ZNF804A: variants seen among roughly 807,000 people sequenced by gnomAD.
ZNF804A encodes zinc finger protein 804A.
In ZNF804A, 2 loss-of-function variants were observed where a neutral mutation model predicts 16.5. That is an observed-to-expected ratio of 0.12 (90% CI 0.05 to 0.38). The LOEUF (loss-of-function observed/expected upper bound fraction) is 0.38, where lower values mean the gene tolerates loss of function less well. Ranked by LOEUF, ZNF804A falls within the 10% of genes least tolerant of loss-of-function variation. The pLI is 0.99. For synonymous variants in ZNF804A, 534 were observed against 489.6 expected, an observed-to-expected ratio of 1.09 and a Z score of -1.20; for missense variants, 1,473 against 1,390.7, an observed-to-expected ratio of 1.06 and a Z score of -0.94.
At chr2:184,661,689 G>T (rs943563246) in intron 1 of ZNF804A, among the ~76,000 whole-genome samples, 1 of 152,156 alleles carries the variant, frequency 6.6e-6, no homozygotes, top group Non-Finnish European at 1.5e-5. Context: ...TTTGGTCATG[G>T]ACTCTACCGG....
chr2:184,659,246 T>C (rs1692128684), intron 1 of ZNF804A, among the ~76,000 whole-genome samples: 1 of 152,100 alleles, frequency 6.6e-6, no homozygotes, highest in African/African-American at 2.4e-5. Flanking sequence ...TAAGACATGG[T>C]TTGCTGGACT....
At chr2:184,925,470 C>A (rs1370644417) in intron 2 of ZNF804A, among the ~76,000 whole-genome samples, 1 of 151,358 alleles carries the variant, frequency 6.6e-6, no homozygotes, top group South Asian at 2.1e-4. Flanking sequence ...TATTGGATCT[C>A]GGGTTTTTTT....
At chr2:184,620,242 A>G (rs939805552) in intron 1 of ZNF804A, among the ~76,000 whole-genome samples, 11 of 151,956 alleles carry the variant, frequency 7.2e-5, no homozygotes, top group Admixed American at 5.3e-4. Flanking sequence ...ATAATTCTTT[A>G]ACATTCCTTC....
chr2:184,712,693 A>C (rs1693148686), intron 1 of ZNF804A, among the ~76,000 whole-genome samples: 1 of 151,750 alleles, frequency 6.6e-6, no homozygotes, highest in Non-Finnish European at 1.5e-5. Flanking sequence ...TAATTCTCTT[A>C]AACTTTCTTC....
chr2:184,638,611 C>T (rs1265636546), intron 1 of ZNF804A, among the ~76,000 whole-genome samples: 1 of 152,142 alleles, frequency 6.6e-6, no homozygotes, highest in Non-Finnish European at 1.5e-5. Context: ...CATTTGGCTG[C>T]AATGTATAAC....
chr2:184,598,900 G>C lies in ZNF804A; in HGVS notation c.-60G>C, dbSNP rs541564749. On this transcript the variant is annotated 5_prime_UTR_variant, in exon 1 of 4. Transcript: ENST00000302277. ...ACCGTCGCCGGCCCCGGCGCGCTGCGGCTGTGGGCGCGGGGTGCGTGGAAG... is the reference window on the plus strand; with the variant it reads ...ACCGTCGCCGGCCCCGGCGCGCTGCCGCTGTGGGCGCGGGGTGCGTGGAAG... 2 of 1,211,058 alleles carry C rather than the reference G, an allele frequency of 1.7e-6. No homozygotes were observed. Among genetic ancestry groups the C allele is most frequent in the Non-Finnish European group, 2.3e-6 (2 of 878,596 alleles). The allele number at this position is 1,211,058 out of a possible 1,614,324, so 75.0% of individuals were successfully genotyped here. A position where few individuals can be genotyped will look rare whatever the true frequency, so the allele number is the denominator to read the frequency against.
intron 1 of ZNF804A, among the ~76,000 whole-genome samples, chr2:184,624,639 A>G (rs1351813880): frequency 2.6e-5 from 4 of 152,162 alleles, no homozygotes; most frequent in East Asian, 1.9e-4. Flanking sequence ...CATTTGTAGT[A>G]TTCTAAATTC....
intron 1 of ZNF804A, among the ~76,000 whole-genome samples, chr2:184,722,092 G>T (rs1693326854): frequency 6.6e-6 from 1 of 151,814 alleles, no homozygotes; most frequent in South Asian, 2.1e-4. Flanking sequence ...AGAGTGTGTG[G>T]GTGCGCGTGT....
chr2:184,819,449 T>C (rs1483772314), intron 1 of ZNF804A, among the ~76,000 whole-genome samples: 1 of 151,892 alleles, frequency 6.6e-6, no homozygotes, highest in Non-Finnish European at 1.5e-5. Context: ...TAGCACTGAA[T>C]GCCCACATCA....
intron 2 of ZNF804A, among the ~76,000 whole-genome samples, chr2:184,926,696 T>A (rs1197527559): frequency 6.6e-6 from 1 of 152,164 alleles, no homozygotes; most frequent in East Asian, 1.9e-4. Context: ...TATTGTTTTT[T>A]AACCTTTTGC....
intron 2 of ZNF804A, among the ~76,000 whole-genome samples, chr2:184,900,968 G>A (rs1299716881): frequency 6.6e-6 from 1 of 152,126 alleles, no homozygotes; most frequent in Non-Finnish European, 1.5e-5. Flanking sequence ...ACTGGCCAAA[G>A]GATGCTGTTC....
At chr2:184,810,442 C>G (rs1247662959) in intron 1 of ZNF804A, among the ~76,000 whole-genome samples, 1 of 129,222 alleles carries the variant, frequency 7.7e-6, no homozygotes, top group Non-Finnish European at 1.7e-5. Flanking sequence ...TTGATTTTTT[C>G]TTATTATAAT....
intron 1 of ZNF804A, among the ~76,000 whole-genome samples, chr2:184,768,941 T>G (rs1694170457): frequency 6.6e-6 from 1 of 152,094 alleles, no homozygotes; most frequent in Non-Finnish European, 1.5e-5. Flanking sequence ...TTTAACTGTG[T>G]GCATATAACT....
intron 1 of ZNF804A, among the ~76,000 whole-genome samples, chr2:184,663,836 A>T (rs181948292): frequency 4.3e-4 from 66 of 152,344 alleles, no homozygotes; most frequent in Non-Finnish European, 8.1e-4. Context: ...AACGCTTGCT[A>T]TGGGAACCCA....
rs1444199446 is a variant in ZNF804A, at chr2:184,811,257, T to C, written c.112-55112T>C. Among the ~76,000 whole-genome samples the C allele has an allele frequency of 2.6e-5, 4 of 152,200 alleles. No homozygotes were observed. In the East Asian group the frequency reaches 7.7e-4, roughly 29 times the overall value. On this transcript the variant is annotated intron_variant, in intron 1 of 3. Coordinates refer to ENST00000302277, the MANE Select transcript of ZNF804A (RefSeq NM_194250.2). ...AATGACACATAAACACCAGCTGTAG[T>C]GCATACCGATGGCATGCTCTTCATT...
intron 1 of ZNF804A, among the ~76,000 whole-genome samples, chr2:184,849,733 G>GGAATATATCCAAAAGAAAT (rs1695573827): frequency 2.0e-5 from 3 of 151,656 alleles, no homozygotes; most frequent in East Asian, 1.9e-4. Flanking sequence ...CCCAGTGCTA[G>GGAATATATCCAAAAGAAAT]GAAATTAGTA....
At position 184,923,157 on chromosome 2, in the gene ZNF804A, C is replaced by T. The variant is rs568049389; in HGVS notation, c.256-10446C>T. Among the ~76,000 whole-genome samples the T allele has an allele frequency of 2.4e-4, 37 of 152,038 alleles. No individual in the cohort carries two copies. The East Asian group carries it at 5.8e-3, about 24-fold the overall frequency. ...ACTTTGGGTAGTATGTACATTTTAACAATATTGGTTCTTTCAATCCATGAA... is the reference window on the plus strand; with the variant it reads ...ACTTTGGGTAGTATGTACATTTTAATAATATTGGTTCTTTCAATCCATGAA... On this transcript the variant is annotated intron_variant, in intron 2 of 3. Transcript: ENST00000302277.
intron 1 of ZNF804A, among the ~76,000 whole-genome samples, chr2:184,829,439 T>C (rs6434106): frequency 0.065 from 9,879 of 151,930 alleles, 1,096 homozygotes; most frequent in African/African-American, 0.22. Context: ...GAATTGCTAT[T>C]TTTTTATTCT....
intron 2 of ZNF804A, among the ~76,000 whole-genome samples, chr2:184,886,818 G>A (rs1684898385): frequency 6.6e-6 from 1 of 152,224 alleles, no homozygotes; most frequent in African/African-American, 2.4e-5. Flanking sequence ...GGGGCCTGGG[G>A]CCTGGCCCAC....
Sources: allele counts gnomAD v4.1 joint callset (sites outside exome capture counted in the v4.1 genomes callset), GRCh38; gene constraint gnomAD v4.1.1; transcripts MANE v1.5; gene names NCBI Gene and HGNC (gene_info 2026-07-23, HGNC 2026-07-21).